KCNQ4: variants seen among roughly 807,000 people sequenced by gnomAD.
The protein encoded by KCNQ4 is potassium voltage-gated channel subfamily KQT member 4.
A neutral mutation model predicts 72.6 loss-of-function variants in KCNQ4; 31 were observed. The ratio of observed to expected loss-of-function variants is 0.43; its 90% confidence interval spans 0.32 to 0.58. The LOEUF (loss-of-function observed/expected upper bound fraction) is 0.58, where lower values mean the gene tolerates loss of function less well. KCNQ4 is among the 20% of genes least tolerant of loss of function. The pLI, the probability that KCNQ4 is intolerant of heterozygous loss-of-function variation, is 0.08. For synonymous variants in KCNQ4, 405 were observed against 403.7 expected, an observed-to-expected ratio of 1.00 and a Z score of -0.04; for missense variants, 869 against 962.6, an observed-to-expected ratio of 0.90 and a Z score of 1.29.
chr1:40,799,439 C>G (rs12748623), intron 1 of KCNQ4, among the ~76,000 whole-genome samples: 9,335 of 151,690 alleles, frequency 0.062, 425 homozygotes, highest in Non-Finnish European at 0.09. Context: ...CATGCCCCCC[C>G]CCTCGCTAGG....
At chr1:40,833,716 G>T (rs1343175018) in intron 11 of KCNQ4, among the ~76,000 whole-genome samples, 4 of 151,804 alleles carry the variant, frequency 2.6e-5, no homozygotes, top group African/African-American at 9.7e-5. Flanking sequence ...TTAGAGTCAG[G>T]CTGGGCGTGG....
intron 4 of KCNQ4, 67 bp downstream of exon 4, chr1:40,818,747 C>A: frequency 1.3e-6 from 2 of 1,509,096 alleles, no homozygotes; most frequent in Non-Finnish European, 1.8e-6. Context: ...GCGGGCAGGG[C>A]GGAGAGGGCG....
At chr1:40,792,906 A>G (rs1647311905) in intron 1 of KCNQ4, among the ~76,000 whole-genome samples, 1 of 151,792 alleles carries the variant, frequency 6.6e-6, no homozygotes, top group Non-Finnish European at 1.5e-5. Context: ...ATTTGAACCT[A>G]GCATGTGCAT....
intron 1 of KCNQ4, among the ~76,000 whole-genome samples, chr1:40,809,564 C>T (rs1001770508): frequency 2.4e-4 from 36 of 152,190 alleles, no homozygotes; most frequent in African/African-American, 8.2e-4. Flanking sequence ...AGTTAATCAC[C>T]GAGCCCTACT....
At chr1:40,807,627 G>A (rs1427780509) in intron 1 of KCNQ4, among the ~76,000 whole-genome samples, 1 of 152,204 alleles carries the variant, frequency 6.6e-6, no homozygotes, top group Admixed American at 6.5e-5. Flanking sequence ...GAAGAGTCTG[G>A]GGGCCTCCAG....
chr1:40,822,251 A>AG lies in KCNQ4; in HGVS notation c.1042-60dup. 18 of 1,345,980 alleles carry AG rather than the reference A, an allele frequency of 1.3e-5. No individual in the cohort carries two copies. In the South Asian group the frequency reaches 2.1e-4, roughly 16 times the overall value. The allele number at this position is 1,345,980 out of a possible 1,614,324, so 83.4% of individuals were successfully genotyped here. On this transcript the variant is annotated intron_variant, in intron 7 of 13. Coordinates refer to ENST00000347132, the MANE Select transcript of KCNQ4 (RefSeq NM_004700.4). ...CAAGGACTGGGTTCTTTCAGGGGAG[A>AG]GGGCTGGTGGGGACTGAGAGGCCTC...
intron 12 of KCNQ4, among the ~76,000 whole-genome samples, chr1:40,835,466 G>C (rs1484904662): frequency 5.3e-5 from 8 of 152,164 alleles, no homozygotes; most frequent in Non-Finnish European, 7.3e-5. Flanking sequence ...CCCACCTCTT[G>C]CCTCTGGAAT....
intron 9 of KCNQ4, among the ~76,000 whole-genome samples, chr1:40,830,027 C>T (rs1031762192): frequency 6.6e-6 from 1 of 152,036 alleles, no homozygotes; most frequent in Non-Finnish European, 1.5e-5. Flanking sequence ...GAGTTGGATG[C>T]GGGAAGGGAA....
chr1:40,822,826 C>T (rs1200408514), intron 8 of KCNQ4, among the ~76,000 whole-genome samples: 1 of 152,210 alleles, frequency 6.6e-6, no homozygotes, highest in Non-Finnish European at 1.5e-5. Flanking sequence ...TAGGTGCATG[C>T]TCCTACCCTG....
intron 1 of KCNQ4, among the ~76,000 whole-genome samples, chr1:40,795,645 T>A (rs1647389470): frequency 6.6e-6 from 1 of 152,096 alleles, no homozygotes. Flanking sequence ...CACTTTTCAC[T>A]TGCACTGCTT....
intron 6 of KCNQ4, 56 bp downstream of exon 6, chr1:40,820,041 C>T (rs892757878): frequency 2.6e-6 from 4 of 1,555,178 alleles, no homozygotes; most frequent in East Asian, 4.5e-5. Flanking sequence ...CCTGCTCACC[C>T]CTGTCACACA....
rs372951350 is a variant in KCNQ4 at position 40,826,741 on chromosome 1, C to A, written c.1292+2483C>A. 2.7e-5 allele frequency: 12 copies of A among 440,544 alleles called. No individual in the cohort carries two copies. In the East Asian group the frequency reaches 2.9e-4, roughly 11 times the overall value. The allele number at this position is 440,544 out of a possible 1,614,324, so 27.3% of individuals were successfully genotyped here. Reference sequence around the variant, plus strand: ...CTGTCCCCACTCCTCCTTGCCCCACCCAATTTGGGGGCTGGAGAGGGGACA... The same window carrying A: ...CTGTCCCCACTCCTCCTTGCCCCACACAATTTGGGGGCTGGAGAGGGGACA... On this transcript the variant is annotated intron_variant, in intron 9 of 13. Transcript: ENST00000347132.
chr1:40,829,266 A>G (rs1016677375), intron 9 of KCNQ4, among the ~76,000 whole-genome samples: 3 of 152,186 alleles, frequency 2.0e-5, no homozygotes, highest in Admixed American at 6.5e-5. Context: ...GCTTGCCAGC[A>G]TGAGGGAGCC....
At chr1:40,803,462 CCT>C (rs1224323988) in intron 1 of KCNQ4, among the ~76,000 whole-genome samples, 4 of 152,204 alleles carry the variant, frequency 2.6e-5, no homozygotes, top group Admixed American at 6.5e-5. Flanking sequence ...AATCCTGACA[CCT>C]CTCTCACAGC....
chr1:40,808,422 G>C (rs2148309824), intron 1 of KCNQ4, among the ~76,000 whole-genome samples: 1 of 152,298 alleles, frequency 6.6e-6, no homozygotes, highest in East Asian at 1.9e-4. Context: ...CATCCTCGCT[G>C]CTGAGGATAA....
rs1338793933 is a variant in KCNQ4 at position 40,839,570 on chromosome 1, C to G, written c.*1047C>G. On this transcript the variant is annotated 3_prime_UTR_variant, in exon 14 of 14. Transcript: ENST00000347132. ...ACCACTAAGAGGAAGACCCCCAACT[C>G]CATCTGAGCAGGAGAAGGAGCTTTG... is the stretch of plus-strand genomic sequence containing the variant. The G allele has an allele frequency of 6.6e-6, 1 of 152,254 alleles. No individual in the cohort carries two copies. Among genetic ancestry groups the G allele is most frequent in the African/African-American group, 2.4e-5 (1 of 41,426 alleles). 9.4% of individuals were successfully genotyped at this position (152,254 alleles called of 1,614,324 possible). A position where few individuals can be genotyped will look rare whatever the true frequency, so the allele number is the denominator to read the frequency against.
intron 9 of KCNQ4, among the ~76,000 whole-genome samples, chr1:40,827,781 A>G (rs1167540897): frequency 6.6e-6 from 1 of 152,126 alleles, no homozygotes; most frequent in African/African-American, 2.4e-5. Context: ...ACCCCTTTGC[A>G]CCTCAGTTTC....
chr1:40,791,455 C>T (rs889105650), intron 1 of KCNQ4, among the ~76,000 whole-genome samples: 15 of 152,190 alleles, frequency 9.9e-5, no homozygotes, highest in Admixed American at 9.8e-4. Flanking sequence ...GCTGAGCCGA[C>T]CTCAGTGGCT....
rs1247677712 is a variant in KCNQ4, at chr1:40,817,505, T to C, written c.405+150T>C. ...GCTGTGTGAGGTAGCACCTCTGGGC[T>C]GGGAGTCCGGGACTGAGGGGGGCCG... On this transcript the variant is annotated intron_variant, in intron 2 of 13. Transcript: ENST00000347132. The surrounding 1 kb of genome is among the most constrained non-coding windows in gnomAD (Gnocchi z 5.5). 1 of 613,216 alleles carries C rather than the reference T, an allele frequency of 1.6e-6. No homozygotes were observed. Among genetic ancestry groups the C allele is most frequent in the Non-Finnish European group, 2.9e-6 (1 of 347,132 alleles). The allele number at this position is 613,216 out of a possible 1,614,324, so 38.0% of individuals were successfully genotyped here. A position where few individuals can be genotyped will look rare whatever the true frequency, so the allele number is the denominator to read the frequency against.
Sources: gnomAD v4.1 joint callset for allele counts (sites outside exome capture counted in the v4.1 genomes callset) on GRCh38, gnomAD v4.1.1 for gene constraint, Gnocchi (gnomAD v3.1) non-coding constraint, MANE v1.5 for transcripts, NCBI Gene and HGNC (gene_info 2026-07-23, HGNC 2026-07-21) for gene names.